PKD2L2: variants seen among roughly 807,000 people sequenced by gnomAD.
PKD2L2 encodes the protein polycystin-2-like protein 2.
A neutral mutation model predicts 83.9 loss-of-function variants in PKD2L2; 67 were observed. The ratio of observed to expected loss-of-function variants is 0.80; its 90% CI spans 0.66 to 0.98. The LOEUF (loss-of-function observed/expected upper bound fraction) is 0.98, where lower values mean the gene tolerates loss of function less well. Among genes scored for constraint, PKD2L2 ranks in the 50% least tolerant of loss-of-function variants. The pLI is 0.00. For synonymous variants in PKD2L2, 223 were observed against 237.8 expected (o/e 0.94, Z 0.57); for missense variants, 632 against 717.2 (o/e 0.88, Z 1.36).
chr5:137,942,602 A>T lies in PKD2L2; in HGVS notation c.*236A>T, dbSNP rs1287922416. On this transcript the variant is annotated 3_prime_UTR_variant, in exon 15 of 15. Transcript: ENST00000508883. Reference sequence around the variant, plus strand: ...GGTCTTGAACTCCTGGCCTCAAGGGATCCTCCTGCCTCAGCTTCAAAAACT... The same window carrying T: ...GGTCTTGAACTCCTGGCCTCAAGGGTTCCTCCTGCCTCAGCTTCAAAAACT... 1 of 366,090 alleles carries T rather than the reference A, an allele frequency of 2.7e-6. No homozygotes were observed. Among genetic ancestry groups the T allele is most frequent in the East Asian group, 5.9e-5 (1 of 16,898 alleles). The allele number at this position is 366,090 out of a possible 1,614,324, so 22.7% of individuals were successfully genotyped here.
intron 8 of PKD2L2, among the ~76,000 whole-genome samples, chr5:137,916,229 G>A (rs1235617897): frequency 6.6e-6 from 1 of 151,760 alleles, no homozygotes; most frequent in Non-Finnish European, 1.5e-5. Context: ...AGGCTGGAGT[G>A]CAGTGGCACG....
intron 5 of PKD2L2, among the ~76,000 whole-genome samples, chr5:137,901,304 A>G (rs1195582343): frequency 6.6e-6 from 1 of 152,198 alleles, no homozygotes; most frequent in African/African-American, 2.4e-5. Flanking sequence ...AGCTTTTGCC[A>G]AGCAAGTGGC....
At chr5:137,904,135 T>A (rs756867780) in intron 5 of PKD2L2, among the ~76,000 whole-genome samples, 2 of 152,264 alleles carry the variant, frequency 1.3e-5, no homozygotes, top group African/African-American at 2.4e-5. Flanking sequence ...TAAGGGTTTA[T>A]ACCTCCTTCA....
At chr5:137,898,405 G>GT (rs1756666537) in intron 4 of PKD2L2, among the ~76,000 whole-genome samples, 4 of 152,236 alleles carry the variant, frequency 2.6e-5, no homozygotes, top group Admixed American at 1.3e-4. Context: ...TATGAAGCAT[G>GT]TTTTTTACCC....
intron 9 of PKD2L2, 83 bp from the exon 10 acceptor site, chr5:137,923,337 T>C: frequency 4.1e-6 from 3 of 730,208 alleles, no homozygotes; most frequent in Non-Finnish European, 7.0e-6. Context: ...TTAAATATAA[T>C]TTTACAAACC....
chr5:137,909,210 A>T (rs1241548975), intron 8 of PKD2L2, among the ~76,000 whole-genome samples: 2 of 151,922 alleles, frequency 1.3e-5, no homozygotes, highest in Non-Finnish European at 2.9e-5. Flanking sequence ...TTACATTTTT[A>T]TTATTTTTTG....
chr5:137,906,240 C>G lies in PKD2L2; in HGVS notation c.781C>G (p.Leu261Val). ...AGAATTCCCTGCAACTGGAGGAATA[C>G]TTACTTCATGGCAGTTTTACTCTGT... Reference protein sequence around the residue: ...VAEFPATGGILTSWQFYSVKL... With the variant: ...VAEFPATGGIVTSWQFYSVKL... The change falls in exon 6 of 15, where the codon CTT becomes GTT. Residue 261 changes from leucine to valine, a missense_variant. Transcript: ENST00000508883. The G allele has an allele frequency of 6.2e-7, 1 of 1,611,158 alleles. No individual in the cohort carries two copies. Among genetic ancestry groups the G allele is most frequent in the Non-Finnish European group, 8.5e-7 (1 of 1,178,360 alleles).
intron 8 of PKD2L2, among the ~76,000 whole-genome samples, chr5:137,913,270 A>G (rs563764878): frequency 2.3e-4 from 33 of 145,124 alleles, no homozygotes; most frequent in African/African-American, 8.5e-4. Context: ...TGCAGCCTCA[A>G]CCTCCCAGGT....
rs1318908320 is a variant in PKD2L2 at position 137,942,446 on chromosome 5, C to T, written c.*80C>T. 4 of 215,974 alleles carry T rather than the reference C, an allele frequency of 1.9e-5. No homozygotes were observed. The highest frequency in any genetic ancestry group is 1.1e-4 in the Admixed American group (2 of 19,000). The allele number at this position is 215,974 out of a possible 1,614,324, so 13.4% of individuals were successfully genotyped here. ...GGTGCGACAGTGGCCTCAACATCCT[C>T]CAAACAGAGAATCAAGTGATCCTCT... On this transcript the variant is annotated 3_prime_UTR_variant, in exon 15 of 15. Coordinates refer to ENST00000508883, the MANE Select transcript of PKD2L2 (RefSeq NM_001300921.2).
chr5:137,925,092 A>C lies in PKD2L2; in HGVS notation c.1604A>C (p.Glu535Ala). 3.1e-6 allele frequency: 5 copies of C among 1,597,338 alleles called. No individual in the cohort carries two copies. Among genetic ancestry groups the C allele is most frequent in the Non-Finnish European group, 4.3e-6 (5 of 1,165,000 alleles). The change falls in exon 11 of 15, where the codon GAA becomes GCA. Residue 535 changes from glutamate to alanine, a missense_variant. Glu to Ala is a moderately radical substitution (Grantham distance 107). Around this residue, in one of 3 missense-constraint regions of PKD2L2, gnomAD observed 399 missense variants for 416.9 expected, o/e 0.96. Coordinates refer to ENST00000508883, the MANE Select transcript of PKD2L2 (RefSeq NM_001300921.2). ...KFRLKKAQKDEDKKTKGSGDL... is the reference protein window; with the variant it reads ...KFRLKKAQKDADKKTKGSGDL... Reference sequence around the variant, plus strand: ...AGACTGAAGAAAGCTCAAAAAGATGAAGACAAGAAAACGTAAGATGACTTC... The same window carrying C: ...AGACTGAAGAAAGCTCAAAAAGATGCAGACAAGAAAACGTAAGATGACTTC...
chr5:137,890,306 T>C, intron 1 of PKD2L2, 175 bp from the exon 2 acceptor site: 1 of 532,282 alleles, frequency 1.9e-6, no homozygotes, highest in South Asian at 2.9e-5. Context: ...TTATTAATAG[T>C]ATATAGTAAA....
chr5:137,921,877 G>T, intron 9 of PKD2L2, 121 bp downstream of exon 9: 2 of 759,032 alleles, frequency 2.6e-6, no homozygotes, highest in East Asian at 2.8e-5. Context: ...ATTGAGAATT[G>T]TGTGGATCCC....
In PKD2L2 at chr5:137,936,364, T is replaced by C. The variant is rs1760394712; in HGVS notation, c.1829T>C (p.Ile610Thr). The stretch of plus-strand genomic sequence containing the variant: ...GAGCTGGAGAAGGAATTACACTACA[T>C]CAATTTGAAGCTAAATCAAGTGGTG... ...AVELEKELHY[I>T]NLKLNQVVRK... is the part of the protein sequence containing the mutation. The change falls in exon 14 of 15, where the codon ATC (isoleucine) becomes ACC (threonine). Residue 610 changes from isoleucine to threonine, a missense_variant. This residue lies in a region of PKD2L2 where 399 missense variants were observed against 416.9 expected (regional missense o/e 0.96). Transcript: ENST00000508883. 6.5e-7 allele frequency: 1 copy of C among 1,533,306 alleles called. No individual in the cohort carries two copies. Among genetic ancestry groups the C allele is most frequent in the Non-Finnish European group, 8.7e-7 (1 of 1,144,160 alleles). The allele number at this position is 1,533,306 out of a possible 1,614,324, so 95.0% of individuals were successfully genotyped here.
rs548982019 is a variant in PKD2L2, at chr5:137,924,508, A to G, written c.1552-532A>G. On this transcript the variant is annotated intron_variant, in intron 10 of 14. Transcript: ENST00000508883. ...CCTCAGTTTGAGCTGTAGCAGAGTT[A>G]TATGTGTACCAGTCACATCTCCCCT... Among the ~76,000 whole-genome samples the G allele has an allele frequency of 4.6e-5, 7 of 152,238 alleles. No individual in the cohort carries two copies. In the South Asian group the frequency reaches 1.5e-3, roughly 32 times the overall value.
intron 8 of PKD2L2, among the ~76,000 whole-genome samples, chr5:137,914,538 C>A (rs1009299586): frequency 6.6e-6 from 1 of 152,128 alleles, no homozygotes; most frequent in Non-Finnish European, 1.5e-5. Context: ...TTGGTGGAAT[C>A]TTTAAGGGTT....
chr5:137,903,136 C>G (rs1273274081), intron 5 of PKD2L2, among the ~76,000 whole-genome samples: 4 of 152,168 alleles, frequency 2.6e-5, no homozygotes, highest in Admixed American at 6.5e-5. Context: ...TTGGCAGGAC[C>G]CACACATGCG....
At chr5:137,933,606 C>T (rs934265311) in intron 12 of PKD2L2, among the ~76,000 whole-genome samples, 2 of 152,216 alleles carry the variant, frequency 1.3e-5, no homozygotes, top group Non-Finnish European at 2.9e-5. Context: ...CCGTATCATT[C>T]CCTTTGCCTA....
chr5:137,931,531 G>T (rs1759879713), intron 12 of PKD2L2, among the ~76,000 whole-genome samples: 1 of 151,942 alleles, frequency 6.6e-6, no homozygotes, highest in Admixed American at 6.6e-5. Flanking sequence ...TTCAAAATTG[G>T]GTAATCAACT....
rs1759631329 is a variant in PKD2L2 at position 137,929,214 on chromosome 5, C to A, written c.1671+3285C>A. ...CAATGGCTCATGCCTGTAATTCCAG[C>A]ACTTTGGGAGGCTGAGGCGGGTGGA... On this transcript the variant is annotated intron_variant, in intron 12 of 14. Transcript: ENST00000508883. Among the ~76,000 whole-genome samples the A allele has an allele frequency of 1.3e-5, 2 of 152,070 alleles. 1 individual carries two copies. Among genetic ancestry groups the A allele is most frequent in the South Asian group, 4.1e-4 (2 of 4,824 alleles).
Sources: allele counts gnomAD v4.1 joint callset (sites outside exome capture counted in the v4.1 genomes callset), GRCh38; gene constraint gnomAD v4.1.1; regional missense constraint gnomAD v4.1.1; transcripts MANE v1.5; gene names NCBI Gene and HGNC (gene_info 2026-07-23, HGNC 2026-07-21).